ABCC9: variants seen among roughly 807,000 people sequenced by gnomAD.
ABCC9 encodes ATP binding cassette subfamily C member 9.
ABCC9 carries 95 observed loss-of-function variants against 188.3 expected under a neutral mutation model. The observed-to-expected ratio is 0.50, with a 90% CI of 0.43 to 0.60. The LOEUF (loss-of-function observed/expected upper bound fraction) is 0.60. ABCC9 is among the 20% of genes least tolerant of loss of function. The pLI, the probability that ABCC9 is intolerant of heterozygous loss-of-function variation, is 0.00. For synonymous variants in ABCC9, 659 were observed against 652.7 expected (o/e 1.01, Z -0.15); for missense variants, 1,102 against 1,876.3 (o/e 0.59, Z 7.62).
At chr12:21,876,806 C>T (rs1485507281) in intron 16 of ABCC9, among the ~76,000 whole-genome samples, 1 of 152,198 alleles carries the variant, frequency 6.6e-6, no homozygotes, top group African/African-American at 2.4e-5. Flanking sequence ...TCTAAGCACA[C>T]TGTTGTTTAG....
chr12:21,841,172 A>C (rs146002556), intron 29 of ABCC9, among the ~76,000 whole-genome samples: 1 of 152,170 alleles, frequency 6.6e-6, no homozygotes, highest in Non-Finnish European at 1.5e-5. Context: ...AAACTTTACT[A>C]TACTATATAT....
At chr12:21,845,155 G>T (rs1255353766) in intron 26 of ABCC9, among the ~76,000 whole-genome samples, 1 of 152,014 alleles carries the variant, frequency 6.6e-6, no homozygotes, top group Non-Finnish European at 1.5e-5. Flanking sequence ...CAGATGAAGA[G>T]AAAGAGTTTG....
intron 14 of ABCC9, among the ~76,000 whole-genome samples, chr12:21,889,176 C>G (rs529434128): frequency 1.3e-5 from 2 of 151,986 alleles, no homozygotes; most frequent in Non-Finnish European, 2.9e-5. Context: ...TGATGGAAGA[C>G]GAAAATCCAT....
At chr12:21,891,813 C>T (rs904582867) in intron 14 of ABCC9, among the ~76,000 whole-genome samples, 8 of 152,102 alleles carry the variant, frequency 5.3e-5, no homozygotes, top group Admixed American at 3.3e-4. Context: ...CCAAAGTCTC[C>T]GATTATAAAC....
intron 31 of ABCC9, among the ~76,000 whole-genome samples, chr12:21,823,767 C>T (rs1246606273): frequency 1.3e-5 from 2 of 152,166 alleles, no homozygotes; most frequent in Non-Finnish European, 2.9e-5. Flanking sequence ...AACGAGAGGA[C>T]GCAAGCAGCA....
chr12:21,914,662 G>C (rs759092849), intron 7 of ABCC9, among the ~76,000 whole-genome samples: 1 of 152,086 alleles, frequency 6.6e-6, no homozygotes, highest in Non-Finnish European at 1.5e-5. Context: ...CGTGGTAATG[G>C]ATTAGTTATA....
At chr12:21,918,771 C>A (rs537464603) in intron 5 of ABCC9, among the ~76,000 whole-genome samples, 1 of 152,212 alleles carries the variant, frequency 6.6e-6, no homozygotes, top group South Asian at 2.1e-4. Flanking sequence ...AGACCTTCCT[C>A]CATGCCACAG....
intron 5 of ABCC9, among the ~76,000 whole-genome samples, chr12:21,919,524 A>T (rs553807727): frequency 1.6e-4 from 24 of 152,096 alleles, no homozygotes; most frequent in South Asian, 1.5e-3. Flanking sequence ...GAAATTAGAC[A>T]ATATATTTAC....
In ABCC9 at chr12:21,814,037, T is replaced by C. The variant is rs1378945213; in HGVS notation, c.4102+607A>G. ...GCCACTTGATAGACTAAATGTGACT[T>C]TTTTTAAAAAAAGATTAAGTTATTT... is the stretch of plus-strand genomic sequence containing the variant. On this transcript the variant is annotated intron_variant, in intron 35 of 39. Coordinates refer to ENST00000261200, the MANE Select transcript of ABCC9 (RefSeq NM_020297.4). Among the ~76,000 whole-genome samples the C allele has an allele frequency of 4.6e-5, 7 of 152,148 alleles. No homozygotes were observed. In the East Asian group the frequency reaches 1.2e-3, roughly 25 times the overall value.
In ABCC9 at chr12:21,818,214, A is replaced by C; in HGVS notation, c.3707T>G (p.Ile1236Arg). The change falls in exon 32 of 40, where the codon ATA becomes AGA. Residue 1236 changes from isoleucine (I) to arginine (R), a missense_variant. By Grantham distance (97) the Ile-to-Arg change is moderately conservative. Coordinates refer to ENST00000261200, the MANE Select transcript of ABCC9 (RefSeq NM_020297.4). ...ATTCGAAGACCCACTAATGGATGCT[A>C]TAGATGCAGTGAGGACAATGCAAGC... ...LGACIVLTAS[I>R]ASISGSSNSG... The C allele has an allele frequency of 6.2e-7, 1 of 1,613,972 alleles. No individual in the cohort carries two copies. Among genetic ancestry groups the C allele is most frequent in the South Asian group, 1.1e-5 (1 of 91,088 alleles).
At chr12:21,919,212 T>C (rs186139252) in intron 5 of ABCC9, among the ~76,000 whole-genome samples, 30 of 151,472 alleles carry the variant, frequency 2.0e-4, no homozygotes, top group South Asian at 8.3e-4. Context: ...AATAGAAAAA[T>C]GAACAATTGA....
At chr12:21,905,330 G>T (rs151211780) in intron 12 of ABCC9, among the ~76,000 whole-genome samples, 226 of 151,756 alleles carry the variant, frequency 1.5e-3, no homozygotes, top group African/African-American at 5.3e-3. Flanking sequence ...AAGTTAATGG[G>T]TGCAGCACAC....
intron 31 of ABCC9, among the ~76,000 whole-genome samples, chr12:21,822,249 G>A (rs829073): frequency 0.031 from 4,643 of 150,912 alleles, 235 homozygotes; most frequent in African/African-American, 0.11. Flanking sequence ...CATTCAGGCT[G>A]TCTTTTAATT....
At chr12:21,838,003 A>T (rs1228661648) in intron 30 of ABCC9, 75 bp downstream of exon 30, 2 of 1,189,748 alleles carry the variant, frequency 1.7e-6, no homozygotes, top group African/African-American at 3.0e-5. Context: ...GAAAGCAATG[A>T]TCAGTTATTT....
chr12:21,864,480 G>A lies in ABCC9; in HGVS notation c.2199-3C>T. ...AAGAAGGCTCAGATTCATTTACACT[G>A]CAAGTATGGCAAACAATGTTCATTA... is the stretch of plus-strand genomic sequence containing the variant. On this transcript the variant is annotated splice_region_variant and splice_polypyrimidine_tract_variant and intron_variant, in intron 18 of 39. Transcript: ENST00000261200. 1 of 1,579,692 alleles carries A rather than the reference G, an allele frequency of 6.3e-7. No homozygotes were observed. The highest frequency in any genetic ancestry group is 8.7e-7 in the Non-Finnish European group (1 of 1,148,974).
At chr12:21,801,552 T>C (rs1315464840) in intron 39 of ABCC9, among the ~76,000 whole-genome samples, 2 of 152,194 alleles carry the variant, frequency 1.3e-5, no homozygotes, top group Non-Finnish European at 2.9e-5. Flanking sequence ...TAATTATCTC[T>C]TGTGTACAGT....
intron 16 of ABCC9, 105 bp downstream of exon 16, chr12:21,882,660 TA>T: frequency 1.9e-6 from 2 of 1,040,932 alleles, no homozygotes; most frequent in South Asian, 1.3e-5. Flanking sequence ...ATGACAACTG[TA>T]AAAACAATTT....
At chr12:21,882,637 G>A (rs1946677811) in intron 16 of ABCC9, 129 bp downstream of exon 16, 5 of 782,456 alleles carry the variant, frequency 6.4e-6, no homozygotes, top group Admixed American at 5.3e-5. Flanking sequence ...TTTTTTAAAT[G>A]TTATTAGGGT....
At chr12:21,921,926 C>G (rs1045965851) in intron 5 of ABCC9, among the ~76,000 whole-genome samples, 2 of 151,948 alleles carry the variant, frequency 1.3e-5, no homozygotes, top group African/African-American at 4.8e-5. Context: ...TTCCACTTAT[C>G]TATGTGTCTG....
Sources: gnomAD v4.1 joint callset for allele counts (sites outside exome capture counted in the v4.1 genomes callset) on GRCh38, gnomAD v4.1.1 for gene constraint, MANE v1.5 for transcripts, NCBI Gene and HGNC (gene_info 2026-07-23, HGNC 2026-07-21) for gene names.